The following PMFBP1 variants were observed in gnomAD, a reference collection of about 807,000 sequenced individuals.
PMFBP1 encodes polyamine-modulated factor 1-binding protein 1.
In PMFBP1, 131 loss-of-function variants were observed where a neutral mutation model predicts 137.8. The ratio of observed to expected loss-of-function variants is 0.95; its 90% CI spans 0.82 to 1.10. PMFBP1 has a LOEUF of 1.10. Ranked by LOEUF, PMFBP1 falls within the 50% of genes least tolerant of loss-of-function variation. The pLI, the probability that PMFBP1 is intolerant of heterozygous loss-of-function variation, is 0.00. For synonymous variants in PMFBP1, 490 were observed against 450.4 expected (o/e 1.09, Z -1.11); for missense variants, 1,199 against 1,175.4 (o/e 1.02, Z -0.29).
chr16:72,245,376 A>G, the PMFBP1 span, among the ~76,000 whole-genome samples: 1 of 152,144 alleles, frequency 6.6e-6, no homozygotes, highest in African/African-American at 2.4e-5. Context: ...GTGAGGTTCA[A>G]TATCCAAGGT....
At chr16:72,140,380 C>T (rs1470196480) in intron 6 of PMFBP1, 32 bp downstream of exon 6, 3 of 1,584,062 alleles carry the variant, frequency 1.9e-6, no homozygotes, top group South Asian at 2.2e-5. Context: ...TTGAGGGTCT[C>T]CCAGAGACAT....
chr16:72,130,047 G>A (rs2042524319), intron 12 of PMFBP1, among the ~76,000 whole-genome samples, 166 bp downstream of exon 12: 1 of 151,062 alleles, frequency 6.6e-6, no homozygotes, highest in East Asian at 1.9e-4. Flanking sequence ...GTAAGGCAGG[G>A]TCTTGCTATG....
the PMFBP1 span, among the ~76,000 whole-genome samples, chr16:72,205,958 AAC>A: frequency 5.9e-5 from 9 of 152,050 alleles, no homozygotes; most frequent in Admixed American, 2.0e-4. Flanking sequence ...AAAGACAACA[AAC>A]ACACACACAC....
chr16:72,241,919 G>A, the PMFBP1 span, among the ~76,000 whole-genome samples: 3 of 152,124 alleles, frequency 2.0e-5, no homozygotes, highest in Admixed American at 6.6e-5. Context: ...TATCATAGAA[G>A]TTATTTTTAA....
chr16:72,160,124 C>T (rs2043040234), intron 3 of PMFBP1, among the ~76,000 whole-genome samples: 1 of 152,222 alleles, frequency 6.6e-6, no homozygotes, highest in Admixed American at 6.5e-5. Context: ...TTGCTCCTTC[C>T]TTGCCTATGT....
At chr16:72,158,660 G>A (rs911899584) in intron 3 of PMFBP1, among the ~76,000 whole-genome samples, 2 of 152,110 alleles carry the variant, frequency 1.3e-5, no homozygotes, top group Admixed American at 6.5e-5. Flanking sequence ...TCCTGTGGTA[G>A]GGTTAATTCA....
intron 9 of PMFBP1, 73 bp from the exon 10 acceptor site, chr16:72,133,064 A>C: frequency 4.3e-5 from 67 of 1,556,614 alleles, no homozygotes; most frequent in Middle Eastern, 2.0e-4. Flanking sequence ...AGGTTGTCTC[A>C]AGCCCTCATC....
Position 72,136,676 on chromosome 16 carries a change from C to A in PMFBP1, c.1045+17G>T, listed in dbSNP as rs1197662101. 2 of 1,614,040 alleles carry A rather than the reference C, an allele frequency of 1.2e-6. No homozygotes were observed. The highest frequency in any genetic ancestry group is 1.7e-6 in the Non-Finnish European group (2 of 1,180,032). On this transcript the variant is annotated intron_variant, in intron 8 of 20. Transcript: ENST00000237353. ...TTCCTTCTGGCTCCCCTGCCACAGC[C>A]TGCAGCCCCAGTTTACCCTTCATGA...
chr16:72,174,668 A>C (rs2043250771), upstream of PMFBP1, among the ~76,000 whole-genome samples: 1 of 152,236 alleles, frequency 6.6e-6, no homozygotes, highest in Admixed American at 6.5e-5. Flanking sequence ...GGAAACTTAC[A>C]ATCTTGGCAG....
the PMFBP1 span, among the ~76,000 whole-genome samples, chr16:72,186,809 A>G: frequency 3.9e-5 from 6 of 152,222 alleles, no homozygotes; most frequent in African/African-American, 1.4e-4. Context: ...TTTATTAAGC[A>G]GCAATTAAAA....
chr16:72,179,428 T>G (rs2043269227), upstream of PMFBP1, among the ~76,000 whole-genome samples: 1 of 152,202 alleles, frequency 6.6e-6, no homozygotes, highest in South Asian at 2.1e-4. Context: ...TGTCTGAATT[T>G]GCAACCTCAT....
chr16:72,119,972 C>T lies in PMFBP1; in HGVS notation c.2886G>A (p.Pro962=), dbSNP rs747317600. ...CCCTCTGTGTGGACTCCGTTCTGCT[C>T]GGGCCTAGGGCTTTGGTGCATAGCC... ...NTRLCTKALG[P]SRTESTQREK... The change falls in exon 20 of 21, where the codon CCG becomes CCA. Residue 962 remains proline (P), a synonymous_variant. Coordinates refer to ENST00000237353, the MANE Select transcript of PMFBP1 (RefSeq NM_031293.3). 4.3e-6 allele frequency: 7 copies of T among 1,614,068 alleles called. No individual in the cohort carries two copies. Among genetic ancestry groups the T allele is most frequent in the Middle Eastern group, 1.6e-4 (1 of 6,084 alleles).
At chr16:72,131,002 C>T (rs1187409581) in intron 10 of PMFBP1, among the ~76,000 whole-genome samples, 2 of 152,274 alleles carry the variant, frequency 1.3e-5, no homozygotes, top group South Asian at 2.1e-4. Context: ...AAATCCTGAC[C>T]CTTCTGGAGT....
the PMFBP1 span, among the ~76,000 whole-genome samples, chr16:72,229,719 T>G: frequency 2.0e-5 from 3 of 152,208 alleles, no homozygotes; most frequent in Non-Finnish European, 4.4e-5. Flanking sequence ...TAAGATTTAT[T>G]GCAGAAAATT....
At chr16:72,211,386 C>T in the PMFBP1 span, among the ~76,000 whole-genome samples, 1 of 152,152 alleles carries the variant, frequency 6.6e-6, no homozygotes, top group East Asian at 1.9e-4. Context: ...GACTAAACTT[C>T]CCCATACAAA....
At chr16:72,150,891 G>A (rs897217244) in intron 4 of PMFBP1, 62 bp from the exon 5 acceptor site, 8 of 1,420,114 alleles carry the variant, frequency 5.6e-6, no homozygotes, top group South Asian at 2.3e-5. Flanking sequence ...GAAAGGATGC[G>A]GTTGTAAGAT....
chr16:72,184,407 C>A, the PMFBP1 span, among the ~76,000 whole-genome samples: 2 of 152,232 alleles, frequency 1.3e-5, no homozygotes, highest in African/African-American at 4.8e-5. Flanking sequence ...AGCCTCTACT[C>A]CAAACCTGCT....
the PMFBP1 span, among the ~76,000 whole-genome samples, chr16:72,192,803 G>A: frequency 6.6e-6 from 1 of 151,856 alleles, no homozygotes; most frequent in Non-Finnish European, 1.5e-5. Context: ...TCAGGAGGCT[G>A]AGGCAGCGGA....
the PMFBP1 span, among the ~76,000 whole-genome samples, chr16:72,222,489 G>C: frequency 2.3e-4 from 35 of 152,200 alleles, no homozygotes; most frequent in Non-Finnish European, 4.7e-4. Flanking sequence ...CAGTGGGCTT[G>C]TTGAGTTTGG....
Sources: gnomAD v4.1 joint callset for allele counts (sites outside exome capture counted in the v4.1 genomes callset) on GRCh38, gnomAD v4.1.1 for gene constraint, MANE v1.5 for transcripts, NCBI Gene and HGNC (gene_info 2026-07-23, HGNC 2026-07-21) for gene names.